Variants in ADAMTS16 observed in about 807,000 individuals in gnomAD.
The protein encoded by ADAMTS16 is A disintegrin and metalloproteinase with thrombospondin motifs 16.
A neutral mutation model predicts 145.8 loss-of-function variants in ADAMTS16; 94 were observed. That is an observed-to-expected ratio of 0.64 (90% confidence interval 0.55 to 0.77). The LOEUF is 0.77. Among genes scored for constraint, ADAMTS16 ranks in the 30% least tolerant of loss-of-function variants. The pLI is 0.00. For synonymous variants in ADAMTS16, 659 were observed against 604.3 expected, an observed-to-expected ratio of 1.09 and a Z score of -1.33; for missense variants, 1,585 against 1,591.5, an observed-to-expected ratio of 1.00 and a Z score of 0.07.
chr5:5,270,798 C>T (rs1738438810), intron 18 of ADAMTS16, among the ~76,000 whole-genome samples: 1 of 152,182 alleles, frequency 6.6e-6, no homozygotes, highest in Non-Finnish European at 1.5e-5. Context: ...AACCCATGTT[C>T]CGTTTCTCTG....
chr5:5,183,003 T>C (rs1735384490), intron 4 of ADAMTS16, among the ~76,000 whole-genome samples: 2 of 152,168 alleles, frequency 1.3e-5, no homozygotes, highest in African/African-American at 4.8e-5. Flanking sequence ...CTATGACTGC[T>C]TCACCCAGCA....
chr5:5,315,195 A>T (rs1386267327), intron 21 of ADAMTS16, among the ~76,000 whole-genome samples: 1 of 152,172 alleles, frequency 6.6e-6, no homozygotes, highest in Non-Finnish European at 1.5e-5. Context: ...AAACCATCAG[A>T]TCTCATGAGA....
intron 18 of ADAMTS16, among the ~76,000 whole-genome samples, chr5:5,272,360 A>ATTTTTT (rs11444357): frequency 1.6e-5 from 2 of 122,508 alleles, no homozygotes; most frequent in Middle Eastern, 3.8e-3. Context: ...ATTCCAAAGG[A>ATTTTTT]TTTTTTTTTT....
chr5:5,266,685 G>A (rs1371951948), intron 18 of ADAMTS16, among the ~76,000 whole-genome samples: 2 of 152,176 alleles, frequency 1.3e-5, no homozygotes, highest in Non-Finnish European at 2.9e-5. Flanking sequence ...GCCCCAGTGG[G>A]AAGGGAGCTC....
intron 13 of ADAMTS16, 29 bp downstream of exon 13, chr5:5,235,215 G>A: frequency 9.2e-6 from 14 of 1,523,964 alleles, no homozygotes; most frequent in African/African-American, 1.4e-5. Flanking sequence ...TCGGGTAATA[G>A]CCTCATGCTT....
intron 11 of ADAMTS16, chr5:5,223,790 TAA>T (rs1309763709): frequency 6.6e-6 from 1 of 152,102 alleles, no homozygotes; most frequent in African/African-American, 2.4e-5. Flanking sequence ...TTTTTAAATA[TAA>T]AAGACTATTA....
chr5:5,217,928 G>A (rs1003915322), intron 10 of ADAMTS16, among the ~76,000 whole-genome samples: 1 of 152,142 alleles, frequency 6.6e-6, no homozygotes, highest in African/African-American at 2.4e-5. Context: ...TAAGCCGCCA[G>A]AATTGCTTTG....
intron 6 of ADAMTS16, among the ~76,000 whole-genome samples, chr5:5,189,486 A>C (rs1322282816): frequency 6.6e-6 from 1 of 152,234 alleles, no homozygotes; most frequent in African/African-American, 2.4e-5. Flanking sequence ...TGTAGAAAAG[A>C]TATTTAATTT....
At position 5,181,936 on chromosome 5, in the gene ADAMTS16, C is replaced by G. The variant is rs188974538; in HGVS notation, c.502-108C>G. On this transcript the variant is annotated intron_variant, in intron 3 of 22. Coordinates refer to ENST00000274181, the MANE Select transcript of ADAMTS16 (RefSeq NM_139056.4). ...CAATGTTCGCTCTCACTGGAGGGAACAGCATGCTTCCAAGAGAATAATAAC... is the reference window on the plus strand; with the variant it reads ...CAATGTTCGCTCTCACTGGAGGGAAGAGCATGCTTCCAAGAGAATAATAAC... The G allele has an allele frequency of 6.6e-5, 86 of 1,297,190 alleles. No homozygotes were observed. In the African/African-American group the frequency reaches 1.1e-3, roughly 17 times the overall value. The allele number at this position is 1,297,190 out of a possible 1,614,324, so 80.4% of individuals were successfully genotyped here. A position where few individuals can be genotyped will look rare whatever the true frequency, so the allele number is the denominator to read the frequency against.
intron 10 of ADAMTS16, among the ~76,000 whole-genome samples, chr5:5,216,215 G>T (rs1227234603): frequency 6.6e-6 from 1 of 151,808 alleles, no homozygotes; most frequent in African/African-American, 2.4e-5. Flanking sequence ...ACTGTTTTTT[G>T]ATTTTTTAGT....
chr5:5,287,214 C>G (rs1244777329), intron 18 of ADAMTS16, among the ~76,000 whole-genome samples: 1 of 152,192 alleles, frequency 6.6e-6, no homozygotes, highest in Non-Finnish European at 1.5e-5. Context: ...GCCATATACT[C>G]TTGGCAGACC....
intron 10 of ADAMTS16, among the ~76,000 whole-genome samples, chr5:5,212,124 T>G (rs924773812): frequency 6.6e-6 from 1 of 152,062 alleles, no homozygotes; most frequent in Admixed American, 6.6e-5. Flanking sequence ...CAAAGATGAG[T>G]GTTAAAATCT....
In ADAMTS16 at chr5:5,300,277, C is replaced by T. The variant is rs556342393; in HGVS notation, c.2790-2991C>T. Among the ~76,000 whole-genome samples the T allele has an allele frequency of 1.2e-4, 18 of 152,160 alleles. No homozygotes were observed. In the East Asian group the frequency reaches 2.9e-3, roughly 24 times the overall value. The stretch of plus-strand genomic sequence containing the variant: ...AAAACAACAGGAAAGCACACAGAAG[C>T]GGCAACAGAGTAACCGAGAGGCTTT... On this transcript the variant is annotated intron_variant, in intron 18 of 22. Coordinates refer to ENST00000274181, the MANE Select transcript of ADAMTS16 (RefSeq NM_139056.4).
intron 18 of ADAMTS16, among the ~76,000 whole-genome samples, chr5:5,270,800 G>A (rs1190431110): frequency 2.0e-5 from 3 of 152,144 alleles, no homozygotes; most frequent in African/African-American, 4.8e-5. Context: ...CCCATGTTCC[G>A]TTTCTCTGAG....
chr5:5,267,684 G>A (rs1738293551), intron 18 of ADAMTS16, among the ~76,000 whole-genome samples: 1 of 152,170 alleles, frequency 6.6e-6, no homozygotes, highest in Non-Finnish European at 1.5e-5. Flanking sequence ...GTGCTGGCTA[G>A]GGCCTCAGGG....
At chr5:5,191,613 A>G in intron 7 of ADAMTS16, 72 bp from the exon 8 acceptor site, 2 of 1,277,922 alleles carry the variant, frequency 1.6e-6, no homozygotes, top group South Asian at 2.5e-5. Context: ...ACTAAGGGGT[A>G]GAAAATAAAT....
chr5:5,196,978 G>A (rs893957286), intron 8 of ADAMTS16, among the ~76,000 whole-genome samples: 4 of 152,098 alleles, frequency 2.6e-5, no homozygotes, highest in East Asian at 1.9e-4. Flanking sequence ...TCAGTTCCCC[G>A]CAACTGCTGT....
At chr5:5,203,640 C>T (rs1245449680) in intron 9 of ADAMTS16, among the ~76,000 whole-genome samples, 1 of 152,188 alleles carries the variant, frequency 6.6e-6, no homozygotes, top group Non-Finnish European at 1.5e-5. Context: ...TTTCCATTAA[C>T]CGACACAGAC....
intron 10 of ADAMTS16, among the ~76,000 whole-genome samples, chr5:5,215,866 A>ATGTG (rs1299495343): frequency 0.015 from 772 of 50,146 alleles, 10 homozygotes; most frequent in Admixed American, 0.045. Context: ...TGTGGTGTGT[A>ATGTG]TGTGTATATA....
Sources: allele counts gnomAD v4.1 joint callset (sites outside exome capture counted in the v4.1 genomes callset), GRCh38; gene constraint gnomAD v4.1.1; transcripts MANE v1.5; gene names NCBI Gene and HGNC (gene_info 2026-07-23, HGNC 2026-07-21).